DNAJB14: variants seen among roughly 807,000 people sequenced by gnomAD.
DNAJB14 encodes dnaJ homolog subfamily B member 14.
A neutral mutation model predicts 48.4 loss-of-function variants in DNAJB14; 22 were observed. The ratio of observed to expected loss-of-function variants is 0.45; its 90% CI spans 0.32 to 0.65. The LOEUF (loss-of-function observed/expected upper bound fraction) is 0.65, where lower values mean the gene tolerates loss of function less well. Among genes scored for constraint, DNAJB14 ranks in the 30% least tolerant of loss-of-function variants. The probability of loss-of-function intolerance (pLI) is 0.03; values close to 1 mark genes in which losing one functional copy is unlikely to be tolerated. For missense variants in DNAJB14, 319 were observed against 458.8 expected, an observed-to-expected ratio of 0.70 and a Z score of 2.78; for synonymous variants, 142 against 158.7, an observed-to-expected ratio of 0.89 and a Z score of 0.79.
rs1725439333 is a variant in DNAJB14, at chr4:99,905,692, C to A, written c.747G>T (p.Val249=). ...CAATTATGGGCATCAGCTGGATAAA[C>A]ACAGAAAAACCTCCCTATAAAAAAT... ...EEERGDGGFS[V]FIQLMPIIVL... Residue 249 remains valine, a synonymous_variant, in exon 6 of 8, where the codon GTG becomes GTT. Transcript: ENST00000442697. 6.2e-7 allele frequency: 1 copy of A among 1,612,324 alleles called. No homozygotes were observed. The highest frequency in any genetic ancestry group is 8.5e-7 in the Non-Finnish European group (1 of 1,179,250).
At position 99,900,425 on chromosome 4, in the gene DNAJB14, T is replaced by C. The variant is rs1032392009; in HGVS notation, c.*603A>G. 4 of 152,054 alleles carry C rather than the reference T, an allele frequency of 2.6e-5. No individual in the cohort carries two copies. The highest frequency in any genetic ancestry group is 2.1e-4 in the South Asian group (1 of 4,828). 9.4% of individuals were successfully genotyped at this position (152,054 alleles called of 1,614,324 possible). A position where few individuals can be genotyped will look rare whatever the true frequency, so the allele number is the denominator to read the frequency against. On this transcript the variant is annotated 3_prime_UTR_variant, in exon 8 of 8. Transcript: ENST00000442697. ...ACCAGTTCATTTATCTCAATATATATTTTGGAATATAACGGCAATATTAAA... is the reference window on the plus strand; with the variant it reads ...ACCAGTTCATTTATCTCAATATATACTTTGGAATATAACGGCAATATTAAA...
At chr4:99,904,188 T>C (rs539099500) in intron 6 of DNAJB14, among the ~76,000 whole-genome samples, 9 of 152,312 alleles carry the variant, frequency 5.9e-5, no homozygotes, top group South Asian at 4.1e-4. Flanking sequence ...TAGTTGTTTG[T>C]CGTTGCTATT....
At chr4:99,937,603 G>C (rs1726725428) in intron 1 of DNAJB14, among the ~76,000 whole-genome samples, 1 of 150,434 alleles carries the variant, frequency 6.6e-6, no homozygotes, top group Non-Finnish European at 1.5e-5. Flanking sequence ...GCATACGCCT[G>C]TAGTACCAGC....
chr4:99,916,032 A>C (rs1411636659), intron 3 of DNAJB14, among the ~76,000 whole-genome samples: 2 of 152,118 alleles, frequency 1.3e-5, no homozygotes, highest in Non-Finnish European at 2.9e-5. Flanking sequence ...TTAATATAGC[A>C]ACTCCTGTTT....
chr4:99,944,283 A>C (rs542554512), intron 1 of DNAJB14, among the ~76,000 whole-genome samples: 3 of 152,346 alleles, frequency 2.0e-5, no homozygotes, highest in African/African-American at 7.2e-5. Context: ...CTGAAACCCT[A>C]TGTACTGTTC....
intron 1 of DNAJB14, 120 bp from the exon 2 acceptor site, chr4:99,930,741 G>T: frequency 9.1e-7 from 1 of 1,093,544 alleles, no homozygotes; most frequent in Non-Finnish European, 1.3e-6. Context: ...TTCACCATAG[G>T]ATCTTTTTAA....
intron 3 of DNAJB14, among the ~76,000 whole-genome samples, chr4:99,921,555 T>C (rs1189834741): frequency 2.0e-5 from 3 of 152,188 alleles, no homozygotes; most frequent in Admixed American, 2.0e-4. Context: ...AGAATTAACA[T>C]TGAAATCACT....
chr4:99,943,293 C>T (rs1382870677), intron 1 of DNAJB14, among the ~76,000 whole-genome samples: 2 of 152,174 alleles, frequency 1.3e-5, no homozygotes, highest in Admixed American at 6.5e-5. Flanking sequence ...ATTTGGTAAT[C>T]ACATACTGCC....
At chr4:99,907,231 A>G in intron 4 of DNAJB14, among the ~76,000 whole-genome samples, 1 of 152,198 alleles carries the variant, frequency 6.6e-6, no homozygotes, top group South Asian at 2.1e-4. Context: ...TGTTCCTAGT[A>G]TACTTCCAGT....
At chr4:99,937,721 A>G (rs1726730905) in intron 1 of DNAJB14, among the ~76,000 whole-genome samples, 1 of 151,936 alleles carries the variant, frequency 6.6e-6, no homozygotes, top group Non-Finnish European at 1.5e-5. Context: ...GTGAGACTCA[A>G]AAAAAGGAAC....
chr4:99,908,973 C>A, intron 3 of DNAJB14, 77 bp from the exon 4 acceptor site: 1 of 1,074,406 alleles, frequency 9.3e-7, no homozygotes, highest in Non-Finnish European at 1.3e-6. Context: ...AAACTAACAT[C>A]ATGCTGAAAA....
Position 99,899,610 on chromosome 4 carries a change from ACTT to A in DNAJB14, c.*1415_*1417del, listed in dbSNP as rs1350864647. ...AAATTAACTACATTCAGGAAAAAAA[ACTT>A]AAACAAAGAACAAAGCCACCCTATC... is the stretch of plus-strand genomic sequence containing the variant. On this transcript the variant is annotated 3_prime_UTR_variant, in exon 8 of 8. Coordinates refer to ENST00000442697, the MANE Select transcript of DNAJB14 (RefSeq NM_001031723.4). 6.6e-6 allele frequency: 1 copy of A among 152,328 alleles called. No homozygotes were observed. Among genetic ancestry groups the A allele is most frequent in the Non-Finnish European group, 1.5e-5 (1 of 67,808 alleles). 9.4% of individuals were successfully genotyped at this position (152,328 alleles called of 1,614,324 possible).
At chr4:99,930,252 T>C in intron 2 of DNAJB14, 198 bp downstream of exon 2, 1 of 424,798 alleles carries the variant, frequency 2.4e-6, no homozygotes, top group Non-Finnish European at 3.9e-6. Context: ...TGAGGTTACT[T>C]TAAAAAATAG....
chr4:99,940,472 G>C (rs1172895073), intron 1 of DNAJB14, among the ~76,000 whole-genome samples: 1 of 152,064 alleles, frequency 6.6e-6, no homozygotes, highest in Non-Finnish European at 1.5e-5. Context: ...CACGCCTGTA[G>C]TCCTAGCTAC....
intron 2 of DNAJB14, chr4:99,925,023 T>C (rs901209373): frequency 1.1e-4 from 63 of 548,098 alleles, no homozygotes; most frequent in South Asian, 8.5e-4. Context: ...CTCTAAGATG[T>C]ATAATATAAA....
intron 2 of DNAJB14, chr4:99,928,619 T>C (rs773236900): frequency 6.4e-5 from 29 of 450,020 alleles, no homozygotes; most frequent in South Asian, 4.6e-4. Flanking sequence ...CTTTCAAGGC[T>C]AGGGTAGAGG....
At chr4:99,905,816 C>A in intron 5 of DNAJB14, 110 bp from the exon 6 acceptor site, 1 of 1,293,594 alleles carries the variant, frequency 7.7e-7, no homozygotes, top group South Asian at 1.4e-5. Context: ...TCATCTAGTT[C>A]AGTGCTTTCA....
At chr4:99,924,573 T>C in intron 2 of DNAJB14, 2 of 590,208 alleles carry the variant, frequency 3.4e-6, no homozygotes, top group Non-Finnish European at 5.3e-6. Flanking sequence ...ACATGACATT[T>C]CCTTTATTTA....
At position 99,897,794 on chromosome 4, in the gene DNAJB14, G is replaced by A. The variant is rs1725178996; in HGVS notation, c.*3234C>T. On this transcript the variant is annotated 3_prime_UTR_variant, in exon 8 of 8. Transcript: ENST00000442697. Reference sequence around the variant, plus strand: ...GTTTGCTTCACTCATTATGAAGATGGATAGTAATAGGATAGTACTGAACCC... The same window carrying A: ...GTTTGCTTCACTCATTATGAAGATGAATAGTAATAGGATAGTACTGAACCC... 6.6e-6 allele frequency: 1 copy of A among 151,978 alleles called. No individual in the cohort carries two copies. Among genetic ancestry groups the A allele is most frequent in the Non-Finnish European group, 1.5e-5 (1 of 67,876 alleles). 9.4% of individuals were successfully genotyped at this position (151,978 alleles called of 1,614,324 possible).
Sources: gnomAD v4.1 joint callset for allele counts (sites outside exome capture counted in the v4.1 genomes callset) on GRCh38, gnomAD v4.1.1 for gene constraint, MANE v1.5 for transcripts, NCBI Gene and HGNC (gene_info 2026-07-23, HGNC 2026-07-21) for gene names.